Variants in RARB observed in about 807,000 individuals in gnomAD.
RARB encodes retinoic acid receptor beta.
Under a neutral mutation model 51.9 loss-of-function variants are expected in RARB, and 17 were observed. That is an observed-to-expected ratio of 0.33 (90% CI 0.22 to 0.49). The LOEUF is 0.49. Among genes scored for constraint, RARB ranks in the 20% least tolerant of loss-of-function variants. The pLI is 0.99. For missense variants in RARB, 369 were observed against 550.8 expected (o/e 0.67, Z 3.30); for synonymous variants, 215 against 195.4 (o/e 1.10, Z -0.84).
intron 2 of RARB, among the ~76,000 whole-genome samples, chr3:24,973,435 G>C (rs1310207578): frequency 6.6e-6 from 1 of 151,876 alleles, no homozygotes; most frequent in African/African-American, 2.4e-5. Flanking sequence ...GATCAGCATT[G>C]CTTTGACTAT....
At chr3:25,456,859 A>G (rs1244676770) in intron 1 of RARB, among the ~76,000 whole-genome samples, 4 of 151,376 alleles carry the variant, frequency 2.6e-5, no homozygotes, top group Admixed American at 2.6e-4. Context: ...CATTTGCAGG[A>G]TTCAAATTAT....
intron 5 of RARB, among the ~76,000 whole-genome samples, chr3:25,339,015 A>G (rs1705144627): frequency 6.6e-6 from 1 of 152,202 alleles, no homozygotes; most frequent in Admixed American, 6.5e-5. Flanking sequence ...CTCACCTGAG[A>G]CTGTAATAGC....
At chr3:25,186,623 G>A (rs920064101) in intron 5 of RARB, among the ~76,000 whole-genome samples, 1 of 151,906 alleles carries the variant, frequency 6.6e-6, no homozygotes, top group African/African-American at 2.4e-5. Flanking sequence ...CCACGAACAT[G>A]GATAGATCAT....
chr3:25,531,741 A>G (rs1480373245), intron 3 of RARB, among the ~76,000 whole-genome samples: 1 of 144,550 alleles, frequency 6.9e-6, no homozygotes, highest in Non-Finnish European at 1.5e-5. Context: ...AAAAAAAAAA[A>G]GCAGATACCA....
chr3:24,896,642 C>T (rs1292022755), intron 2 of RARB, among the ~76,000 whole-genome samples: 1 of 152,070 alleles, frequency 6.6e-6, no homozygotes, highest in East Asian at 1.9e-4. Context: ...ATGTTAATGC[C>T]ACTGAACTGT....
chr3:24,968,286 C>A (rs1696321366), intron 2 of RARB, among the ~76,000 whole-genome samples: 1 of 152,054 alleles, frequency 6.6e-6, no homozygotes, highest in Non-Finnish European at 1.5e-5. Context: ...TTAAAGGGCT[C>A]CCTGAGGCAA....
At chr3:24,993,045 A>T (rs1256087980) in intron 2 of RARB, among the ~76,000 whole-genome samples, 1 of 152,206 alleles carries the variant, frequency 6.6e-6, no homozygotes, top group African/African-American at 2.4e-5. Flanking sequence ...AAATATTAGA[A>T]ATCTATATAC....
intron 3 of RARB, among the ~76,000 whole-genome samples, chr3:25,544,469 A>G (rs551293135): frequency 5.9e-5 from 9 of 152,348 alleles, no homozygotes; most frequent in African/African-American, 2.2e-4. Context: ...TTTAGCAGCT[A>G]TCTTCACCAA....
intron 5 of RARB, among the ~76,000 whole-genome samples, chr3:25,421,216 C>A (rs1707849216): frequency 6.6e-6 from 1 of 151,796 alleles, no homozygotes. Flanking sequence ...TCTTAGAGAA[C>A]TTGCCCTAAT....
At chr3:24,883,692 A>T (rs144651876) in intron 2 of RARB, among the ~76,000 whole-genome samples, 2,217 of 152,230 alleles carry the variant, frequency 0.015, 31 homozygotes, top group Non-Finnish European at 0.019. Flanking sequence ...TGTAAATAAT[A>T]GAACCCCTCA....
intron 5 of RARB, among the ~76,000 whole-genome samples, chr3:25,186,143 C>G (rs1460275042): frequency 6.6e-6 from 1 of 151,782 alleles, no homozygotes; most frequent in African/African-American, 2.4e-5. Flanking sequence ...AAAGACAACC[C>G]CAACGAAAAA....
chr3:25,141,656 G>C (rs1400651984), intron 4 of RARB, among the ~76,000 whole-genome samples: 2 of 152,120 alleles, frequency 1.3e-5, no homozygotes. Context: ...TCACAGTTTA[G>C]TTATAAATGG....
intron 2 of RARB, among the ~76,000 whole-genome samples, chr3:24,905,465 C>G (rs1422231965): frequency 2.6e-5 from 4 of 152,168 alleles, no homozygotes; most frequent in Non-Finnish European, 5.9e-5. Flanking sequence ...TGATGGTACT[C>G]ATTATTGATG....
rs139414736 is a variant in RARB at position 24,997,586 on chromosome 3, T to C, written c.-379-62539T>C. Among the ~76,000 whole-genome samples, 909 of 152,262 alleles carry C rather than the reference T, an allele frequency of 6.0e-3. 3 individuals carry two copies. Among genetic ancestry groups the C allele is most frequent in the Non-Finnish European group, 8.6e-3 (587 of 68,010 alleles). ...AGTTATAAGGGTTGAGGTTTCACCA[T>C]GTTAGCCAGGCTGGTCTCGAATTCT... On this transcript the variant is annotated intron_variant, in intron 2 of 11. Coordinates refer to the RARB transcript ENST00000383772.
intron 5 of RARB, among the ~76,000 whole-genome samples, chr3:25,399,746 G>C (rs1707214622): frequency 6.6e-6 from 1 of 152,162 alleles, no homozygotes; most frequent in South Asian, 2.1e-4. Context: ...CTAAAAGTGG[G>C]AAGAAGAAAA....
chr3:24,877,271 T>C (rs1362174954), intron 2 of RARB, among the ~76,000 whole-genome samples: 1 of 151,466 alleles, frequency 6.6e-6, no homozygotes, highest in Non-Finnish European at 1.5e-5. Context: ...TACATTAAAC[T>C]CTGAAGTTCT....
intron 5 of RARB, among the ~76,000 whole-genome samples, chr3:25,245,624 A>G (rs999366272): frequency 2.2e-4 from 34 of 152,174 alleles, no homozygotes; most frequent in African/African-American, 8.2e-4. Context: ...AATGTTGAAT[A>G]TTGGCCCCCA....
intron 2 of RARB, among the ~76,000 whole-genome samples, chr3:24,934,213 T>A (rs573948461): frequency 6.6e-6 from 1 of 152,142 alleles, no homozygotes; most frequent in African/African-American, 2.4e-5. Flanking sequence ...AGACATTTCA[T>A]TGTGGCTCTT....
At chr3:25,366,607 A>T (rs1375248690) in intron 5 of RARB, among the ~76,000 whole-genome samples, 1 of 152,202 alleles carries the variant, frequency 6.6e-6, no homozygotes, top group African/African-American at 2.4e-5. Context: ...GCACAATCAA[A>T]ATATTTTTAG....
Sources: gnomAD v4.1 joint callset for allele counts (sites outside exome capture counted in the v4.1 genomes callset) on GRCh38, gnomAD v4.1.1 for gene constraint, MANE v1.5 for transcripts, NCBI Gene and HGNC (gene_info 2026-07-23, HGNC 2026-07-21) for gene names.